The following SHTN1 variants were observed in gnomAD, a reference collection of about 807,000 sequenced individuals.
The protein encoded by SHTN1 is shootin-1.
SHTN1 carries 42 observed loss-of-function variants against 83.1 expected under a neutral mutation model. The ratio of observed to expected loss-of-function variants is 0.51; its 90% confidence interval spans 0.39 to 0.65. The LOEUF is 0.65. Among genes scored for constraint, SHTN1 ranks in the 30% least tolerant of loss-of-function variants. The pLI, the probability that SHTN1 is intolerant of heterozygous loss-of-function variation, is 0.00. For missense variants in SHTN1, 622 were observed against 737.8 expected (o/e 0.84, Z 1.82); for synonymous variants, 224 against 247.7 (o/e 0.90, Z 0.90).
intron 12 of SHTN1, among the ~76,000 whole-genome samples, chr10:116,919,530 A>C (rs1302134545): frequency 6.6e-6 from 1 of 152,174 alleles, no homozygotes; most frequent in South Asian, 2.1e-4. Flanking sequence ...ATTCTCGAAT[A>C]ATTTTTCTTT....
At chr10:117,057,997 C>A (rs1311671604) in intron 1 of SHTN1, among the ~76,000 whole-genome samples, 3 of 152,146 alleles carry the variant, frequency 2.0e-5, no homozygotes, top group Non-Finnish European at 4.4e-5. Flanking sequence ...TGAAGTTGAA[C>A]CCTTACCTAA....
chr10:117,051,031 T>TG (rs2133588157), intron 1 of SHTN1, among the ~76,000 whole-genome samples: 1 of 152,324 alleles, frequency 6.6e-6, no homozygotes, highest in South Asian at 2.1e-4. Flanking sequence ...CACTACAGTC[T>TG]GGGTGACAGA....
chr10:116,911,981 G>A, intron 13 of SHTN1, 138 bp from the exon 14 acceptor site: 2 of 662,502 alleles, frequency 3.0e-6, no homozygotes, highest in Admixed American at 2.8e-5. Flanking sequence ...TTAGGACTAT[G>A]TCTTAAGGTT....
chr10:117,115,541 G>A (rs1853833313), intron 1 of SHTN1, among the ~76,000 whole-genome samples: 1 of 152,110 alleles, frequency 6.6e-6, no homozygotes, highest in Non-Finnish European at 1.5e-5. Context: ...TTCTCTGTGA[G>A]GCTGCTCTAG....
rs12412326 is a variant in SHTN1 at position 117,044,362 on chromosome 10, C to T, written c.-123+4083G>A. Among the ~76,000 whole-genome samples the T allele has an allele frequency of 4.7e-3, 708 of 152,104 alleles. 11 individuals are homozygous for T. Among genetic ancestry groups the T allele is most frequent in the Admixed American group, 0.04 (613 of 15,252 alleles). On this transcript the variant is annotated intron_variant, in intron 2 of 17. Transcript: ENST00000392901. ...TTTTTTAAAGCTACATAGTGTTCAA[C>T]TATATGTATGTACATTACTTACATA...
At chr10:116,890,296 T>C (rs1847298122) in intron 16 of SHTN1, among the ~76,000 whole-genome samples, 1 of 152,238 alleles carries the variant, frequency 6.6e-6, no homozygotes, top group Admixed American at 6.5e-5. Flanking sequence ...ACTTAAATTT[T>C]ACAAGTATCA....
chr10:117,092,973 G>C (rs1374773790), intron 1 of SHTN1, among the ~76,000 whole-genome samples: 1 of 152,014 alleles, frequency 6.6e-6, no homozygotes, highest in Admixed American at 6.6e-5. Context: ...CAATTCTAAG[G>C]GCTTCACAAT....
At chr10:116,983,699 CATA>C (rs1851127049) in intron 1 of SHTN1, among the ~76,000 whole-genome samples, 2 of 145,800 alleles carry the variant, frequency 1.4e-5, no homozygotes, top group Non-Finnish European at 3.0e-5. Context: ...TACATACATA[CATA>C]CATACATACA....
chr10:116,887,642 T>C (rs1383682800), intron 16 of SHTN1, among the ~76,000 whole-genome samples: 1 of 152,116 alleles, frequency 6.6e-6, no homozygotes, highest in Non-Finnish European at 1.5e-5. Flanking sequence ...AGACACTCTT[T>C]TACCACCTAA....
In SHTN1 at chr10:116,968,617, T is replaced by C. The variant is rs572883031; in HGVS notation, c.172+35A>G. On this transcript the variant is annotated intron_variant, in intron 3 of 16. Coordinates refer to ENST00000355371, the MANE Select transcript of SHTN1 (RefSeq NM_001127211.3). The stretch of plus-strand genomic sequence containing the variant: ...CTCACATAATCCCCAATAGGCTATA[T>C]GTGTTATAATAATTCCACTGAAATG... 3.7e-5 allele frequency: 54 copies of C among 1,473,616 alleles called. No individual in the cohort carries two copies. In the South Asian group the frequency reaches 5.9e-4, roughly 16 times the overall value. The allele number at this position is 1,473,616 out of a possible 1,614,324, so 91.3% of individuals were successfully genotyped here.
At chr10:116,928,356 A>T (rs74959591) in intron 10 of SHTN1, among the ~76,000 whole-genome samples, 3,453 of 152,302 alleles carry the variant, frequency 0.023, 126 homozygotes, top group African/African-American at 0.078. Flanking sequence ...CAAATACTAG[A>T]GTCTTTGATT....
chr10:117,068,553 A>T (rs548993457), intron 1 of SHTN1, among the ~76,000 whole-genome samples: 1 of 152,202 alleles, frequency 6.6e-6, no homozygotes, highest in Admixed American at 6.5e-5. Flanking sequence ...TAGCTAAAAA[A>T]GAATGTGGAA....
intron 1 of SHTN1, among the ~76,000 whole-genome samples, chr10:117,115,937 C>G (rs1422065268): frequency 6.6e-6 from 1 of 152,046 alleles, no homozygotes. Flanking sequence ...CTTTTAATAG[C>G]TATACAATCT....
chr10:117,043,885 A>C (rs752022041), intron 2 of SHTN1, among the ~76,000 whole-genome samples: 3 of 152,058 alleles, frequency 2.0e-5, no homozygotes, highest in Non-Finnish European at 4.4e-5. Flanking sequence ...ATAAATAAAC[A>C]AGGGGCTTTT....
In SHTN1 at chr10:117,005,056, C is replaced by T. The variant is rs757147203; in HGVS notation, c.24G>A (p.Lys8=). The T allele has an allele frequency of 1.7e-5, 27 of 1,599,152 alleles. No individual in the cohort carries two copies. Among genetic ancestry groups the T allele is most frequent in the East Asian group, 4.5e-5 (2 of 44,514 alleles). Residue 8 remains lysine, a synonymous_variant, in exon 1 of 17, where the codon AAG becomes AAA. Transcript: ENST00000355371. MNSSDEE[K]QLQLITSLKE... ...TCAGACTGGTAATGAGCTGCAGCTGCTTCTCTTCGTCCGAGCTGTTCATTT... is the reference window on the plus strand; with the variant it reads ...TCAGACTGGTAATGAGCTGCAGCTGTTTCTCTTCGTCCGAGCTGTTCATTT...
intron 1 of SHTN1, among the ~76,000 whole-genome samples, chr10:117,085,945 G>T (rs10787757): frequency 0.68 from 96,193 of 140,784 alleles, 35,161 homozygotes; most frequent in Middle Eastern, 0.83. Flanking sequence ...TTTTGAGACG[G>T]AGTCTCGCTC....
chr10:116,952,172 G>A (rs931969959), intron 5 of SHTN1, among the ~76,000 whole-genome samples, 166 bp from the exon 6 acceptor site: 1 of 152,074 alleles, frequency 6.6e-6, no homozygotes, highest in African/African-American at 2.4e-5. Context: ...TCTCATTTGC[G>A]TGGCCCTCCC....
intron 16 of SHTN1, among the ~76,000 whole-genome samples, chr10:116,897,734 A>G (rs532329903): frequency 6.6e-6 from 1 of 152,328 alleles, no homozygotes; most frequent in Non-Finnish European, 1.5e-5. Context: ...TATAGATTAC[A>G]TAACTTTCCC....
intron 2 of SHTN1, among the ~76,000 whole-genome samples, chr10:117,029,490 G>C (rs1295959702): frequency 1.1e-4 from 16 of 152,266 alleles, no homozygotes; most frequent in East Asian, 1.9e-4. Flanking sequence ...ATATGGTTTG[G>C]ATCCATGTCC....
Sources: gnomAD v4.1 joint callset for allele counts (sites outside exome capture counted in the v4.1 genomes callset) on GRCh38, gnomAD v4.1.1 for gene constraint, MANE v1.5 for transcripts, NCBI Gene and HGNC (gene_info 2026-07-23, HGNC 2026-07-21) for gene names.